Variants in CCDC6 observed in about 807,000 individuals in gnomAD.
CCDC6 encodes the protein coiled-coil domain-containing protein 6.
A neutral mutation model predicts 56.6 loss-of-function variants in CCDC6; 20 were observed. That is an observed-to-expected ratio of 0.35 (90% CI 0.25 to 0.51). The LOEUF (loss-of-function observed/expected upper bound fraction) is 0.51, where lower values mean the gene tolerates loss of function less well. Among genes scored for constraint, CCDC6 ranks in the 20% least tolerant of loss-of-function variants. The pLI is 0.95. For missense variants in CCDC6, 367 were observed against 601.1 expected (o/e 0.61, Z 4.07); for synonymous variants, 241 against 234.4 (o/e 1.03, Z -0.26).
intron 1 of CCDC6, among the ~76,000 whole-genome samples, chr10:59,875,765 A>C (rs569722309): frequency 1.2e-4 from 18 of 152,362 alleles, no homozygotes; most frequent in African/African-American, 4.1e-4. Flanking sequence ...CATGCATCAC[A>C]TTAAGACAGA....
At chr10:59,846,414 T>G (rs1295524746) in intron 2 of CCDC6, among the ~76,000 whole-genome samples, 1 of 152,186 alleles carries the variant, frequency 6.6e-6, no homozygotes, top group Non-Finnish European at 1.5e-5. Context: ...GTTTCAGCAG[T>G]TTTGCCCACA....
intron 1 of CCDC6, among the ~76,000 whole-genome samples, chr10:59,880,765 T>G (rs2440910): frequency 0.76 from 116,344 of 152,106 alleles, 44,776 homozygotes; most frequent in East Asian, 0.9. Context: ...CCTTAACCTC[T>G]CTGAGACACA....
At chr10:59,797,461 T>C (rs1363223558) in intron 7 of CCDC6, among the ~76,000 whole-genome samples, 1 of 150,630 alleles carries the variant, frequency 6.6e-6, no homozygotes, top group East Asian at 2.0e-4. Flanking sequence ...AGAACAAGAA[T>C]AAAGTGGAGA....
intron 1 of CCDC6, among the ~76,000 whole-genome samples, chr10:59,899,973 C>T (rs1371507853): frequency 6.6e-6 from 1 of 152,174 alleles, no homozygotes; most frequent in Non-Finnish European, 1.5e-5. Context: ...GCTGTTGTGG[C>T]AGGGGAGTGG....
intron 1 of CCDC6, among the ~76,000 whole-genome samples, chr10:59,887,090 A>G (rs1257653200): frequency 1.3e-5 from 2 of 152,168 alleles, no homozygotes; most frequent in African/African-American, 2.4e-5. Context: ...CGACACAACA[A>G]TGTCACTTCT....
At chr10:59,895,520 G>T (rs2071455598) in intron 1 of CCDC6, among the ~76,000 whole-genome samples, 1 of 152,156 alleles carries the variant, frequency 6.6e-6, no homozygotes, top group South Asian at 2.1e-4. Flanking sequence ...CTGTGGTGAG[G>T]ATTAAATGAG....
chr10:59,873,655 C>T (rs560321246), intron 1 of CCDC6, among the ~76,000 whole-genome samples: 22 of 152,306 alleles, frequency 1.4e-4, no homozygotes, highest in African/African-American at 5.1e-4. Flanking sequence ...TAAAACATAT[C>T]TGGCCTCATG....
chr10:59,901,234 G>A (rs1486486562), intron 1 of CCDC6, among the ~76,000 whole-genome samples: 3 of 152,124 alleles, frequency 2.0e-5, no homozygotes, highest in African/African-American at 7.2e-5. Flanking sequence ...TCAAAGTTGT[G>A]TCTAAAGTTG....
intron 5 of CCDC6, among the ~76,000 whole-genome samples, chr10:59,808,556 G>A (rs975416621): frequency 3.9e-5 from 6 of 152,250 alleles, no homozygotes; most frequent in African/African-American, 1.4e-4. Flanking sequence ...ATGAACTTGG[G>A]AAAAGTAAAA....
intron 1 of CCDC6, among the ~76,000 whole-genome samples, chr10:59,862,268 C>G (rs541298810): frequency 6.6e-6 from 1 of 151,818 alleles, no homozygotes; most frequent in Non-Finnish European, 1.5e-5. Context: ...AGGTGGATCA[C>G]CTGAGGACAG....
At chr10:59,797,886 C>T (rs1188241729) in intron 7 of CCDC6, among the ~76,000 whole-genome samples, 1 of 152,154 alleles carries the variant, frequency 6.6e-6, no homozygotes, top group South Asian at 2.1e-4. Flanking sequence ...GGATCATCTC[C>T]ACTGTGTTTT....
At position 59,900,189 on chromosome 10, in the gene CCDC6, G is replaced by A. The variant is rs142097279; in HGVS notation, c.303+5933C>T. ...CCGGGAAAGATCTCGATAGTCGAGT[G>A]TCAGTGACGTGGGGTGGGGGGGGTG... On this transcript the variant is annotated intron_variant, in intron 1 of 8. Transcript: ENST00000263102. Among the ~76,000 whole-genome samples, 46 of 152,220 alleles carry A rather than the reference G, an allele frequency of 3.0e-4. 1 individual carries two copies. Among genetic ancestry groups the A allele is most frequent in the African/African-American group, 9.9e-4 (41 of 41,524 alleles).
intron 7 of CCDC6, among the ~76,000 whole-genome samples, chr10:59,801,850 C>G (rs181167855): frequency 6.6e-6 from 1 of 152,156 alleles, no homozygotes; most frequent in South Asian, 2.1e-4. Context: ...TCTGACATAC[C>G]CTCATCACTT....
intron 1 of CCDC6, among the ~76,000 whole-genome samples, chr10:59,878,669 A>C (rs981410116): frequency 2.0e-5 from 3 of 152,200 alleles, no homozygotes; most frequent in Non-Finnish European, 2.9e-5. Flanking sequence ...GTGACCCAGA[A>C]TGTGACACAC....
intron 3 of CCDC6, among the ~76,000 whole-genome samples, chr10:59,817,628 T>C (rs191109600): frequency 6.6e-6 from 1 of 152,318 alleles, no homozygotes; most frequent in African/African-American, 2.4e-5. Context: ...TGATGTCTAG[T>C]GGAGAAATGC....
At chr10:59,906,070 T>C (rs1312890444) in intron 1 of CCDC6, 52 bp downstream of exon 1, 2 of 1,491,212 alleles carry the variant, frequency 1.3e-6, no homozygotes, top group African/African-American at 2.8e-5. Flanking sequence ...GTGCAGCCCC[T>C]CCCGGGGCGG....
chr10:59,843,187 G>A (rs769489165), intron 2 of CCDC6, among the ~76,000 whole-genome samples: 4 of 152,212 alleles, frequency 2.6e-5, no homozygotes, highest in Non-Finnish European at 5.9e-5. Flanking sequence ...CGCCCGGCCA[G>A]AAGACAAATT....
chr10:59,860,376 G>C (rs967808067), intron 1 of CCDC6, among the ~76,000 whole-genome samples: 1 of 152,060 alleles, frequency 6.6e-6, no homozygotes, highest in South Asian at 2.1e-4. Context: ...CATGACCCAG[G>C]TACCAGGGCC....
intron 2 of CCDC6, among the ~76,000 whole-genome samples, chr10:59,843,399 T>C (rs1419978963): frequency 2.6e-5 from 4 of 152,244 alleles, no homozygotes; most frequent in Admixed American, 2.6e-4. Context: ...TATTGCCCTA[T>C]AGTTATTCAT....
Sources: allele counts gnomAD v4.1 joint callset (sites outside exome capture counted in the v4.1 genomes callset), GRCh38; gene constraint gnomAD v4.1.1; transcripts MANE v1.5; gene names NCBI Gene and HGNC (gene_info 2026-07-23, HGNC 2026-07-21).